The following CDKAL1 variants were observed in gnomAD, a reference collection of about 807,000 sequenced individuals.
The protein encoded by CDKAL1 is threonylcarbamoyladenosine tRNA methylthiotransferase.
CDKAL1 carries 32 observed loss-of-function variants against 68.2 expected under a neutral mutation model. The ratio of observed to expected loss-of-function variants is 0.47; its 90% CI spans 0.35 to 0.63. The LOEUF (loss-of-function observed/expected upper bound fraction) is 0.63. Ranked by LOEUF, CDKAL1 falls within the 30% of genes least tolerant of loss-of-function variation. The pLI is 0.00. For missense variants in CDKAL1, 606 were observed against 696.7 expected (o/e 0.87, Z 1.47); for synonymous variants, 234 against 244.3 (o/e 0.96, Z 0.39).
intron 7 of CDKAL1, among the ~76,000 whole-genome samples, chr6:20,760,779 C>G (rs553094648): frequency 3.2e-4 from 49 of 151,342 alleles, no homozygotes; most frequent in African/African-American, 1.2e-3. Flanking sequence ...ATACTGGCCA[C>G]TCAATAATTT....
chr6:21,110,701 G>A (rs1192497032), intron 13 of CDKAL1, among the ~76,000 whole-genome samples: 1 of 152,162 alleles, frequency 6.6e-6, no homozygotes, highest in East Asian at 1.9e-4. Context: ...GCTTATGCCG[G>A]TAATCCCAGC....
chr6:20,955,865 C>T (rs919849336), intron 10 of CDKAL1, among the ~76,000 whole-genome samples: 4 of 152,178 alleles, frequency 2.6e-5, no homozygotes, highest in African/African-American at 9.7e-5. Flanking sequence ...AGTCTTCCAG[C>T]ACATAAATTT....
intron 12 of CDKAL1, among the ~76,000 whole-genome samples, chr6:21,071,357 T>TTG (rs1771759954): frequency 6.6e-6 from 1 of 152,132 alleles, no homozygotes; most frequent in Non-Finnish European, 1.5e-5. Context: ...TCCTGCCACC[T>TTG]TGTGAAGGGG....
At chr6:20,830,911 T>C (rs895664286) in intron 8 of CDKAL1, among the ~76,000 whole-genome samples, 2 of 137,326 alleles carry the variant, frequency 1.5e-5, no homozygotes, top group African/African-American at 2.8e-5. Context: ...TAGACAAATA[T>C]ATGTTTTTAG....
intron 4 of CDKAL1, among the ~76,000 whole-genome samples, chr6:20,618,485 G>C (rs920795336): frequency 1.2e-4 from 19 of 152,074 alleles, no homozygotes; most frequent in Admixed American, 2.0e-4. Context: ...TGAAGTCCTT[G>C]CCCATGCCTA....
chr6:20,785,770 T>C (rs1775646242), intron 8 of CDKAL1, among the ~76,000 whole-genome samples: 1 of 152,222 alleles, frequency 6.6e-6, no homozygotes, highest in Non-Finnish European at 1.5e-5. Flanking sequence ...ACATTAAATA[T>C]GTAGATTTCA....
At chr6:20,698,856 A>T (rs1192715644) in intron 5 of CDKAL1, among the ~76,000 whole-genome samples, 2 of 152,208 alleles carry the variant, frequency 1.3e-5, no homozygotes, top group Non-Finnish European at 2.9e-5. Context: ...GGGGGAATTC[A>T]GCCCTTGGTG....
chr6:20,713,198 A>G (rs61296257), intron 5 of CDKAL1, among the ~76,000 whole-genome samples: 7,183 of 152,278 alleles, frequency 0.047, 562 homozygotes, highest in African/African-American at 0.16. Context: ...ACATTCTGCC[A>G]TATCTTTACT....
At chr6:20,540,246 TG>T (rs1220191345) in intron 2 of CDKAL1, among the ~76,000 whole-genome samples, 1 of 150,354 alleles carries the variant, frequency 6.7e-6, no homozygotes, top group Non-Finnish European at 1.5e-5. Flanking sequence ...GCTAATTTTT[TG>T]TATTTTTAGT....
chr6:20,932,700 C>T (rs1030904376), intron 9 of CDKAL1, among the ~76,000 whole-genome samples: 8 of 152,038 alleles, frequency 5.3e-5, no homozygotes, highest in South Asian at 2.1e-4. Flanking sequence ...AAAAACTTTC[C>T]GTTTTTAGAG....
At position 20,944,179 on chromosome 6, in the gene CDKAL1, G is replaced by A. The variant is rs185869448; in HGVS notation, c.743-11240G>A. Among the ~76,000 whole-genome samples, 564 of 152,312 alleles carry A rather than the reference G, an allele frequency of 3.7e-3. 3 individuals are homozygous for A. The highest frequency in any genetic ancestry group is 4.9e-3 in the Non-Finnish European group (334 of 68,030). On this transcript the variant is annotated intron_variant, in intron 9 of 15. Coordinates refer to ENST00000274695, the MANE Select transcript of CDKAL1 (RefSeq NM_017774.3). ...AAAATGCCTCCAGATAGTAATATGG[G>A]AACTCATGTTGCTCATCTCCTTTGT...
intron 11 of CDKAL1, among the ~76,000 whole-genome samples, chr6:21,057,256 G>T (rs988799545): frequency 1.3e-5 from 2 of 152,130 alleles, no homozygotes; most frequent in African/African-American, 4.8e-5. Context: ...TTGGGAGGGT[G>T]TATGTGTCCA....
chr6:21,079,885 T>C (rs1384946927), intron 12 of CDKAL1, among the ~76,000 whole-genome samples: 1 of 152,092 alleles, frequency 6.6e-6, no homozygotes, highest in Non-Finnish European at 1.5e-5. Flanking sequence ...ACTTGCCAGT[T>C]ACAGGATTGG....
At chr6:21,198,708 T>G (rs1409994441) in intron 14 of CDKAL1, among the ~76,000 whole-genome samples, 1 of 152,244 alleles carries the variant, frequency 6.6e-6, no homozygotes, top group Non-Finnish European at 1.5e-5. Flanking sequence ...AGCTTCACTG[T>G]GAGAGCTTTG....
At chr6:20,662,751 A>G (rs148615252) in intron 5 of CDKAL1, among the ~76,000 whole-genome samples, 495 of 152,220 alleles carry the variant, frequency 3.3e-3, no homozygotes, top group Non-Finnish European at 5.5e-3. Flanking sequence ...TATCTTTCCC[A>G]TCCCTTCCAC....
At chr6:20,975,963 G>A (rs1055371109) in intron 10 of CDKAL1, among the ~76,000 whole-genome samples, 1 of 152,042 alleles carries the variant, frequency 6.6e-6, no homozygotes, top group Admixed American at 6.6e-5. Flanking sequence ...ATAATGACAC[G>A]TACCCACCGT....
intron 13 of CDKAL1, among the ~76,000 whole-genome samples, chr6:21,167,731 G>A (rs1777209486): frequency 6.6e-6 from 1 of 152,176 alleles, no homozygotes; most frequent in Non-Finnish European, 1.5e-5. Context: ...ACAGTACCTT[G>A]TCTAAGACAT....
At chr6:20,655,755 T>G (rs897351046) in intron 5 of CDKAL1, among the ~76,000 whole-genome samples, 1 of 152,104 alleles carries the variant, frequency 6.6e-6, no homozygotes, top group Non-Finnish European at 1.5e-5. Flanking sequence ...GCCAAAAATG[T>G]TGGGGGGACC....
chr6:20,929,475 G>GT (rs1763330739), intron 9 of CDKAL1, among the ~76,000 whole-genome samples: 1 of 152,190 alleles, frequency 6.6e-6, no homozygotes, highest in Non-Finnish European at 1.5e-5. Flanking sequence ...AGACAGGGAT[G>GT]TTTGGACAAG....
Sources: allele counts gnomAD v4.1 joint callset (sites outside exome capture counted in the v4.1 genomes callset), GRCh38; gene constraint gnomAD v4.1.1; transcripts MANE v1.5; gene names NCBI Gene and HGNC (gene_info 2026-07-23, HGNC 2026-07-21).